PRDM15: variants seen among roughly 807,000 people sequenced by gnomAD.
PRDM15 encodes PR/SET domain 15.
PRDM15 carries 64 observed loss-of-function variants against 128.6 expected under a neutral mutation model. The ratio of observed to expected loss-of-function variants is 0.50; its 90% CI spans 0.41 to 0.61. The LOEUF (loss-of-function observed/expected upper bound fraction) is 0.61. Ranked by LOEUF, PRDM15 falls within the 20% of genes least tolerant of loss-of-function variation. The pLI is 0.00. For missense variants in PRDM15, 1,242 were observed against 1,569.1 expected (o/e 0.79, Z 3.52); for synonymous variants, 615 against 621.8 (o/e 0.99, Z 0.16).
chr21:41,821,225 G>A lies in PRDM15; in HGVS notation c.1902C>T (p.Thr634=). 6.2e-7 allele frequency: 1 copy of A among 1,614,124 alleles called. No individual in the cohort carries two copies. Among genetic ancestry groups the A allele is most frequent in the Admixed American group, 1.7e-5 (1 of 60,030 alleles). Residue 634 remains threonine (T), a synonymous_variant, in exon 16 of 24, where the codon ACC becomes ACT. Transcript: ENST00000398548. This position sits in a 1 kb window ranked among gnomAD's most constrained non-coding sequence, Gnocchi z 5.4. ...TCAGGTACTCCTTCCCCCGGCCGAA[G>A]GTGAGCTGCGGGCCAGGTGGACAGG... ...HKYSCKRCQL[T]FGRGKEYLKH...
intron 3 of PRDM15, among the ~76,000 whole-genome samples, chr21:41,858,312 CGGACAGAGGCGGACA>C (rs2063701039): frequency 6.6e-6 from 1 of 152,166 alleles, no homozygotes; most frequent in Non-Finnish European, 1.5e-5. Flanking sequence ...ACAGGCCCCT[CGGACAGAGGCGGACA>C]TTGGGTCCCC....
chr21:41,873,975 G>T (rs987082823), intron 1 of PRDM15, among the ~76,000 whole-genome samples: 1 of 151,782 alleles, frequency 6.6e-6, no homozygotes, highest in Non-Finnish European at 1.5e-5. Context: ...GAACCCAGGA[G>T]GTAGAGGCTG....
chr21:41,809,294 G>A (rs539361715), intron 21 of PRDM15, among the ~76,000 whole-genome samples: 167 of 149,978 alleles, frequency 1.1e-3, no homozygotes, highest in African/African-American at 3.8e-3. Flanking sequence ...GTGCAGTGGC[G>A]CAATCTCGGC....
At chr21:41,816,852 A>G (rs2062071266) in intron 18 of PRDM15, among the ~76,000 whole-genome samples, 1 of 151,424 alleles carries the variant, frequency 6.6e-6, no homozygotes, top group African/African-American at 2.4e-5. Context: ...CAATGACCGA[A>G]GAGTGATTCC....
At position 41,879,274 on chromosome 21, in the gene PRDM15, C is replaced by T. The variant is rs762524121; in HGVS notation, c.-14G>A. On this transcript the variant is annotated 5_prime_UTR_variant, in exon 1 of 24. Coordinates refer to ENST00000398548, the MANE Select transcript of PRDM15 (RefSeq NM_001040424.3). This position sits in a 1 kb window ranked among gnomAD's most constrained non-coding sequence, Gnocchi z 5.1. The stretch of plus-strand genomic sequence containing the variant: ...GCGCAGGGCCCGGAGCTTTACCTGC[C>T]TTTGGAATGTGCAGAGCGGGATCGG... The T allele has an allele frequency of 6.6e-5, 69 of 1,052,244 alleles. No homozygotes were observed. The highest frequency in any genetic ancestry group is 7.1e-5 in the Non-Finnish European group (61 of 862,696). The allele number at this position is 1,052,244 out of a possible 1,614,324, so 65.2% of individuals were successfully genotyped here.
At position 41,836,658 on chromosome 21, in the gene PRDM15, GGA is replaced by G; in HGVS notation, c.1002-11_1002-10del. On this transcript the variant is annotated splice_polypyrimidine_tract_variant and intron_variant, in intron 8 of 23. Coordinates refer to ENST00000398548, the MANE Select transcript of PRDM15 (RefSeq NM_001040424.3). ...TCTGATGATGGGTGAACCTGCCCAGGGACGTCAATAAGTTGGGAAAAGACAGG... is the reference window on the plus strand; with the variant it reads ...TCTGATGATGGGTGAACCTGCCCAGGCGTCAATAAGTTGGGAAAAGACAGG... The G allele has an allele frequency of 6.3e-7, 1 of 1,584,208 alleles. No homozygotes were observed. The highest frequency in any genetic ancestry group is 1.1e-5 in the South Asian group (1 of 89,566).
intron 21 of PRDM15, among the ~76,000 whole-genome samples, chr21:41,805,307 G>T (rs1035714076): frequency 6.6e-6 from 1 of 152,204 alleles, no homozygotes; most frequent in East Asian, 1.9e-4. Flanking sequence ...AGAGACAGCC[G>T]AACGTGATAA....
intron 1 of PRDM15, chr21:41,871,793 C>T: frequency 4.5e-6 from 3 of 670,396 alleles, no homozygotes; most frequent in East Asian, 2.9e-5. Flanking sequence ...TGCGTTTCAT[C>T]ACCTCTCCAG....
rs150681064 is a variant in PRDM15 at position 41,864,414 on chromosome 21, C to G, written c.-9-4042G>C. Among the ~76,000 whole-genome samples, 1,094 of 152,246 alleles carry G rather than the reference C, an allele frequency of 7.2e-3. 15 individuals are homozygous for G. The highest frequency in any genetic ancestry group is 0.024 in the African/African-American group (1,009 of 41,528). On this transcript the variant is annotated intron_variant, in intron 1 of 23. Coordinates refer to ENST00000398548, the MANE Select transcript of PRDM15 (RefSeq NM_001040424.3). Reference sequence around the variant, plus strand: ...TTAGGCTTGTCACCAAAAACACAATCTATAAAAGGAAAATCATTTGCATCT... The same window carrying G: ...TTAGGCTTGTCACCAAAAACACAATGTATAAAAGGAAAATCATTTGCATCT...
At chr21:41,872,308 C>T (rs148751703) in intron 1 of PRDM15, among the ~76,000 whole-genome samples, 1 of 152,222 alleles carries the variant, frequency 6.6e-6, no homozygotes, top group African/African-American at 2.4e-5. Flanking sequence ...TGCATTTTTA[C>T]TTCTTATGGC....
intron 14 of PRDM15, 137 bp from the exon 15 acceptor site, chr21:41,822,174 G>C: frequency 1.7e-6 from 2 of 1,208,856 alleles, no homozygotes; most frequent in Non-Finnish European, 2.3e-6. Flanking sequence ...GCCCTAACGA[G>C]CTACACTTGT....
chr21:41,835,426 G>A lies in PRDM15; in HGVS notation c.1366+11C>T, dbSNP rs372563904. 11 of 1,601,912 alleles carry A rather than the reference G, an allele frequency of 6.9e-6. No individual in the cohort carries two copies. Among genetic ancestry groups the A allele is most frequent in the Non-Finnish European group, 9.4e-6 (11 of 1,175,632 alleles). The stretch of plus-strand genomic sequence containing the variant: ...ACAGCGGCCGAGGGGAGACGTGACC[G>A]GCGCCCTCACCTGTCCTGCAGTTGT... On this transcript the variant is annotated intron_variant, in intron 11 of 23. Transcript: ENST00000398548.
intron 19 of PRDM15, chr21:41,812,434 T>A (rs1171049951): frequency 6.6e-6 from 1 of 152,134 alleles, no homozygotes; most frequent in Non-Finnish European, 1.5e-5. Context: ...GAAACAGGTT[T>A]AATTAGAGCC....
At chr21:41,836,688 G>A in intron 8 of PRDM15, 39 bp from the exon 9 acceptor site, 1 of 1,540,522 alleles carries the variant, frequency 6.5e-7, no homozygotes. Flanking sequence ...AAGACAGGTG[G>A]GAAAAAAGTT....
chr21:41,806,467 C>CCATCACCATCACCACCACCATCAT (rs1271617294), intron 21 of PRDM15, among the ~76,000 whole-genome samples: 7 of 108,314 alleles, frequency 6.5e-5, no homozygotes, highest in Non-Finnish European at 5.5e-5. Context: ...ACCATCACCA[C>CCATCACCATCACCACCACCATCAT]CAGCACCACC....
At chr21:41,868,593 G>A (rs1023387632) in intron 1 of PRDM15, among the ~76,000 whole-genome samples, 1 of 151,790 alleles carries the variant, frequency 6.6e-6, no homozygotes, top group African/African-American at 2.4e-5. Flanking sequence ...TAAAGACGCT[G>A]AACATCTTTT....
intron 21 of PRDM15, among the ~76,000 whole-genome samples, chr21:41,805,625 G>C (rs998773226): frequency 6.6e-6 from 1 of 152,044 alleles, no homozygotes; most frequent in African/African-American, 2.4e-5. Context: ...TTGACACTGA[G>C]CACAGATCTA....
chr21:41,819,207 C>T (rs918526872), intron 18 of PRDM15, among the ~76,000 whole-genome samples: 1 of 152,196 alleles, frequency 6.6e-6, no homozygotes, highest in Non-Finnish European at 1.5e-5. Flanking sequence ...TATGGGCTTC[C>T]AGGGCCACAC....
At position 41,834,700 on chromosome 21, in the gene PRDM15, C is replaced by A; in HGVS notation, c.1366+737G>T. The A allele has an allele frequency of 4.4e-6, 3 of 684,306 alleles. No homozygotes were observed. The South Asian group carries it at 5.1e-5, about 12-fold the overall frequency. 42.4% of individuals were successfully genotyped at this position (684,306 alleles called of 1,614,324 possible). On this transcript the variant is annotated intron_variant, in intron 11 of 23. Coordinates refer to ENST00000398548, the MANE Select transcript of PRDM15 (RefSeq NM_001040424.3). ...TGACTCCCACATCCCAGAGGGTGCA[C>A]GTCATCACTGCAGAATACAGGGGCG...
Sources: allele counts gnomAD v4.1 joint callset (sites outside exome capture counted in the v4.1 genomes callset), GRCh38; gene constraint gnomAD v4.1.1; non-coding constraint Gnocchi (gnomAD v3.1); transcripts MANE v1.5; gene names NCBI Gene and HGNC (gene_info 2026-07-23, HGNC 2026-07-21).